The following GPHN variants were observed in gnomAD, a reference collection of about 807,000 sequenced individuals.
The protein encoded by GPHN is gephyrin.
In GPHN, 17 loss-of-function variants were observed where a neutral mutation model predicts 95.5. The ratio of observed to expected loss-of-function variants is 0.18; its 90% CI spans 0.12 to 0.27. The LOEUF (loss-of-function observed/expected upper bound fraction) is 0.27, where lower values mean the gene tolerates loss of function less well. Ranked by LOEUF, GPHN falls within the 10% of genes least tolerant of loss-of-function variation. The probability of loss-of-function intolerance (pLI) is 1.00; values close to 1 mark genes in which losing one functional copy is unlikely to be tolerated. For missense variants in GPHN, 660 were observed against 978.1 expected (o/e 0.67, Z 4.34); for synonymous variants, 320 against 322.5 (o/e 0.99, Z 0.08).
chr14:67,611,428 G>T, the GPHN span, among the ~76,000 whole-genome samples: 856 of 138,902 alleles, frequency 6.2e-3, 36 homozygotes, highest in East Asian at 0.082. Flanking sequence ...TAATTTTTTG[G>T]TTTTTTTTTT....
At chr14:67,008,808 A>G (rs948753053) in intron 9 of GPHN, among the ~76,000 whole-genome samples, 3 of 152,094 alleles carry the variant, frequency 2.0e-5, no homozygotes, top group Non-Finnish European at 4.4e-5. Context: ...CAGCCTCCCA[A>G]AGTGCTGGGA....
At chr14:66,858,675 G>A (rs1314648861) in intron 4 of GPHN, among the ~76,000 whole-genome samples, 1 of 152,016 alleles carries the variant, frequency 6.6e-6, no homozygotes, top group African/African-American at 2.4e-5. Context: ...TTGCACCTTA[G>A]GGGAGTAGAG....
the GPHN span, among the ~76,000 whole-genome samples, chr14:67,548,487 CG>C: frequency 3.9e-5 from 6 of 152,250 alleles, no homozygotes; most frequent in South Asian, 1.0e-3. Context: ...CACCTGAGGT[CG>C]GGAGTTTGAG....
At chr14:66,781,853 G>T (rs139058941) in intron 3 of GPHN, among the ~76,000 whole-genome samples, 40 of 152,236 alleles carry the variant, frequency 2.6e-4, no homozygotes, top group Non-Finnish European at 3.7e-4. Context: ...GAGCATCCTG[G>T]TACTCATGTA....
At chr14:66,800,572 T>A (rs2153476388) in intron 3 of GPHN, among the ~76,000 whole-genome samples, 1 of 150,120 alleles carries the variant, frequency 6.7e-6, no homozygotes, top group African/African-American at 2.5e-5. Context: ...TTGTATGTTA[T>A]TTGTAGTTTT....
At chr14:67,198,938 T>C in the GPHN span, 2 of 700,850 alleles carry the variant, frequency 2.9e-6, no homozygotes, top group African/African-American at 3.5e-5. Context: ...CACTAAACAC[T>C]GAGCTATTAC....
chr14:67,160,705 G>C (rs1203361736), intron 19 of GPHN, among the ~76,000 whole-genome samples: 4 of 152,122 alleles, frequency 2.6e-5, no homozygotes, highest in Non-Finnish European at 5.9e-5. Flanking sequence ...TGAACCCTAG[G>C]AGAGAATGGA....
chr14:67,492,968 G>C, the GPHN span, among the ~76,000 whole-genome samples: 1,753 of 152,262 alleles, frequency 0.012, 48 homozygotes, highest in African/African-American at 0.041. Flanking sequence ...AAGGCCAGGT[G>C]GGGGAAATAA....
chr14:66,997,865 A>G (rs2071925736), intron 9 of GPHN, among the ~76,000 whole-genome samples: 2 of 152,208 alleles, frequency 1.3e-5, no homozygotes, highest in Admixed American at 1.3e-4. Context: ...ATCAACAAAG[A>G]CATTTGAAAG....
At chr14:67,574,571 G>A in the GPHN span, among the ~76,000 whole-genome samples, 5 of 152,226 alleles carry the variant, frequency 3.3e-5, no homozygotes, top group Non-Finnish European at 5.9e-5. This position sits in a 1 kb window ranked among gnomAD's most constrained non-coding sequence, Gnocchi z 4.2. Context: ...GGCCACACAA[G>A]GTGATGGCGA....
At chr14:66,676,672 A>ATTTTTTTTTTTTTTTTTTTTTTTTTT (rs56906168) in intron 1 of GPHN, among the ~76,000 whole-genome samples, 1 of 126,080 alleles carries the variant, frequency 7.9e-6, no homozygotes. Context: ...ATCGTAGTGT[A>ATTTTTTTTTTTTTTTTTTTTTTTTTT]TTTTTTTTTT....
chr14:67,400,115 G>A, the GPHN span, among the ~76,000 whole-genome samples: 1 of 152,192 alleles, frequency 6.6e-6, no homozygotes, highest in Non-Finnish European at 1.5e-5. Flanking sequence ...GCCAAAAGTT[G>A]TAGAAGGAAT....
At chr14:66,927,839 T>C (rs1373163794) in intron 8 of GPHN, among the ~76,000 whole-genome samples, 1 of 152,224 alleles carries the variant, frequency 6.6e-6, no homozygotes, top group Non-Finnish European at 1.5e-5. Context: ...ATGTATCACA[T>C]TGATTGATTT....
chr14:66,730,498 C>G (rs1045484890), intron 2 of GPHN, among the ~76,000 whole-genome samples: 25 of 151,812 alleles, frequency 1.6e-4, no homozygotes, highest in Middle Eastern at 3.2e-3. Flanking sequence ...ATTTTTTTTA[C>G]TAAAATGTTG....
At chr14:67,523,100 G>A in the GPHN span, among the ~76,000 whole-genome samples, 5 of 152,144 alleles carry the variant, frequency 3.3e-5, no homozygotes, top group African/African-American at 1.2e-4. Flanking sequence ...CAAGGCAGGT[G>A]GATCACGAGG....
chr14:66,656,483 T>C lies in GPHN; in HGVS notation c.65-24624T>C, dbSNP rs571159598. ...TGATGTGGGAATAGGTGTACTTTATTTTATTGGGCTTTACATTTTGACTCT... is the reference window on the plus strand; with the variant it reads ...TGATGTGGGAATAGGTGTACTTTATCTTATTGGGCTTTACATTTTGACTCT... On this transcript the variant is annotated intron_variant, in intron 1 of 22. Coordinates refer to ENST00000478722, the MANE Select transcript of GPHN (RefSeq NM_020806.5). Among the ~76,000 whole-genome samples the C allele has an allele frequency of 3.3e-5, 5 of 152,284 alleles. No individual in the cohort carries two copies. In the East Asian group the frequency reaches 9.6e-4, roughly 29 times the overall value.
chr14:67,189,715 C>T, the GPHN span: 1 of 152,222 alleles, frequency 6.6e-6, no homozygotes, highest in Admixed American at 6.5e-5. Context: ...TCTTCTACCT[C>T]AACCAGAACA....
At chr14:66,802,673 G>T (rs1415763443) in intron 3 of GPHN, among the ~76,000 whole-genome samples, 1 of 152,136 alleles carries the variant, frequency 6.6e-6, no homozygotes, top group East Asian at 1.9e-4. Context: ...TGCAGTTGAT[G>T]AATCCTGCCA....
chr14:67,312,783 C>T, the GPHN span: 1 of 1,197,784 alleles, frequency 8.3e-7, no homozygotes, highest in East Asian at 2.8e-5. Context: ...CAAAGAAAAA[C>T]TCACTCTTTC....
Sources: gnomAD v4.1 joint callset for allele counts (sites outside exome capture counted in the v4.1 genomes callset) on GRCh38, gnomAD v4.1.1 for gene constraint, Gnocchi (gnomAD v3.1) non-coding constraint, MANE v1.5 for transcripts, NCBI Gene and HGNC (gene_info 2026-07-23, HGNC 2026-07-21) for gene names.